The following UVSSA variants were observed in gnomAD, a reference collection of about 807,000 sequenced individuals.
UVSSA encodes the protein UV-stimulated scaffold protein A.
Under a neutral mutation model 73.9 loss-of-function variants are expected in UVSSA, and 72 were observed. The observed-to-expected ratio is 0.97, with a 90% CI of 0.81 to 1.19. UVSSA has a LOEUF of 1.19. Among genes scored for constraint, UVSSA ranks in the 50% most tolerant of loss-of-function variants. The pLI is 0.00. For synonymous variants in UVSSA, 454 were observed against 391.3 expected, an observed-to-expected ratio of 1.16 and a Z score of -1.89; for missense variants, 1,150 against 965.0, an observed-to-expected ratio of 1.19 and a Z score of -2.54.
chr4:1,360,217 G>T (rs1433656878), intron 7 of UVSSA, among the ~76,000 whole-genome samples: 2 of 152,242 alleles, frequency 1.3e-5, no homozygotes, highest in African/African-American at 2.4e-5. Flanking sequence ...TCTGGAGTCA[G>T]CACAGGGAAC....
chr4:1,345,569 C>T (rs572591507), upstream of UVSSA, among the ~76,000 whole-genome samples: 2 of 140,532 alleles, frequency 1.4e-5, no homozygotes, highest in East Asian at 2.2e-4. Flanking sequence ...CGTTTGAACC[C>T]GGGAGGCGGA....
At chr4:1,347,049 G>T (rs1326103462), upstream of UVSSA, among the ~76,000 whole-genome samples, 1 of 152,184 alleles carries the variant, frequency 6.6e-6, no homozygotes, top group African/African-American at 2.4e-5. Context: ...TGACCGGAAA[G>T]GGTGGGGCAA....
intron 7 of UVSSA, among the ~76,000 whole-genome samples, chr4:1,365,844 T>C (rs1392024519): frequency 6.6e-6 from 1 of 150,384 alleles, no homozygotes; most frequent in Non-Finnish European, 1.5e-5. Context: ...CTCCACCTGG[T>C]GGGAAGATAA....
At position 1,351,651 on chromosome 4, in the gene UVSSA, A is replaced by G. The variant is rs897502312; in HGVS notation, c.430-64A>G. The G allele has an allele frequency of 3.8e-6, 6 of 1,559,078 alleles. No homozygotes were observed. In the African/African-American group the frequency reaches 8.2e-5, roughly 21 times the overall value. On this transcript the variant is annotated intron_variant, in intron 3 of 13. Coordinates refer to ENST00000389851, the MANE Select transcript of UVSSA (RefSeq NM_020894.4). ...TGATCTGCCTGCCTCAGCCTCCCAA[A>G]GTGCTGGGATTACAGGCGTGAGCCA... is the stretch of plus-strand genomic sequence containing the variant.
chr4:1,352,877 C>T (rs1016482519), intron 4 of UVSSA, among the ~76,000 whole-genome samples, 153 bp from the exon 5 acceptor site: 1 of 152,228 alleles, frequency 6.6e-6, no homozygotes, highest in Non-Finnish European at 1.5e-5. Flanking sequence ...CCTGGAAGGT[C>T]GAGGCTGGGG....
At chr4:1,345,758 C>G (rs1247924383), upstream of UVSSA, among the ~76,000 whole-genome samples, 2 of 151,748 alleles carry the variant, frequency 1.3e-5, no homozygotes, top group Non-Finnish European at 2.9e-5. Context: ...AGAGGACACC[C>G]CGGGGCAGTG....
exon 14 of UVSSA, chr4:1,394,428 ACTT>A (rs1419288861): frequency 6.3e-7 from 1 of 1,592,722 alleles, no homozygotes; most frequent in African/African-American, 1.3e-5. Context: ...TCATTGATCT[ACTT>A]CTAGTTTTTG....
rs573582384 is a variant in UVSSA at position 1,366,187 on chromosome 4, G to T, written c.1177-133G>T. 2.0e-5 allele frequency: 14 copies of T among 702,360 alleles called. No homozygotes were observed. In the South Asian group the frequency reaches 2.5e-4, roughly 13 times the overall value. The allele number at this position is 702,360 out of a possible 1,614,324, so 43.5% of individuals were successfully genotyped here. On this transcript the variant is annotated intron_variant, in intron 7 of 13. Transcript: ENST00000389851. ...AGACGATCTTAAATGCAGTCCAACC[G>T]TGGCTGATGTTGGAGCCCTAAGCAG...
intron 2 of UVSSA, among the ~76,000 whole-genome samples, chr4:1,348,990 C>T (rs1221940220): frequency 1.4e-5 from 2 of 147,776 alleles, no homozygotes; most frequent in East Asian, 2.0e-4. Context: ...GTGTTTGTGC[C>T]GGGCGGTGTG....
chr4:1,356,299 CCT>C lies in UVSSA; in HGVS notation c.1176+1058_1176+1059del, dbSNP rs3840499. Among the ~76,000 whole-genome samples, 100 of 152,242 alleles carry C rather than the reference CCT, an allele frequency of 6.6e-4. 1 individual carries two copies. The East Asian group carries it at 0.016, about 24-fold the overall frequency. On this transcript the variant is annotated intron_variant, in intron 7 of 13. Coordinates refer to ENST00000389851, the MANE Select transcript of UVSSA (RefSeq NM_020894.4). ...TTGGAAGTTGGGGGGTGGGGAAGCT[CCT>C]CTCGATTAAATGCTGAGCCTGTCGT...
At position 1,371,256 on chromosome 4, in the gene UVSSA, C is replaced by CTGTGTGTG. The variant is rs34839757; in HGVS notation, c.1289-4080_1289-4073dup. Among the ~76,000 whole-genome samples the CTGTGTGTG allele has an allele frequency of 9.7e-3, 1,418 of 146,598 alleles. 14 individuals are homozygous for CTGTGTGTG. The highest frequency in any genetic ancestry group is 0.022 in the African/African-American group (874 of 39,804). ...AGTGAGAGTACGTCTGTGGGTGGAC[C>CTGTGTGTG]TGTGTGTGTGTGTGTGTGTGTGTGT... On this transcript the variant is annotated intron_variant, in intron 8 of 13. Transcript: ENST00000389851.
chr4:1,389,964 A>G (rs1413525089), downstream of UVSSA: 1 of 152,108 alleles, frequency 6.6e-6, no homozygotes, highest in Non-Finnish European at 1.5e-5. Flanking sequence ...ATGATTTTCC[A>G]TTCTTTATTT....
chr4:1,366,281 G>T, intron 7 of UVSSA, 39 bp from the exon 8 acceptor site: 1 of 1,518,808 alleles, frequency 6.6e-7, no homozygotes, highest in South Asian at 1.2e-5. Context: ...TCATACACAG[G>T]GTCTGGGGGT....
intron 11 of UVSSA, chr4:1,380,570 C>CA (rs770748242): frequency 5.4e-5 from 72 of 1,330,604 alleles, no homozygotes; most frequent in African/African-American, 5.8e-5. Context: ...GGGGCCAGGG[C>CA]AGCTCCCAGC....
chr4:1,375,770 G>T lies in UVSSA; in HGVS notation c.1433+262G>T, dbSNP rs540034160. Among the ~76,000 whole-genome samples the T allele has an allele frequency of 1.1e-3, 168 of 152,378 alleles. 2 individuals carry two copies. The highest frequency in any genetic ancestry group is 3.9e-3 in the African/African-American group (164 of 41,592). ...CCCGTGCCTCTGAGAGGAGCCCCCA[G>T]GGCTGGGGTTTGAGAGGCAGATGTC... On this transcript the variant is annotated intron_variant, in intron 9 of 13. Transcript: ENST00000389851.
In UVSSA at chr4:1,386,203, G is replaced by T; in HGVS notation, c.*242G>T. ...CTCGGGCCTGGAGATGTGAACACAG[G>T]CAGCGACCCTGTTCCAGAGGGCTTC... On this transcript the variant is annotated 3_prime_UTR_variant, in exon 14 of 14. Transcript: ENST00000389851. 1 of 495,744 alleles carries T rather than the reference G, an allele frequency of 2.0e-6. No individual in the cohort carries two copies. Among genetic ancestry groups the T allele is most frequent in the Middle Eastern group, 5.6e-4 (1 of 1,774 alleles). The allele number at this position is 495,744 out of a possible 1,614,324, so 30.7% of individuals were successfully genotyped here.
At chr4:1,364,712 C>T (rs557554707) in intron 7 of UVSSA, among the ~76,000 whole-genome samples, 106 of 152,240 alleles carry the variant, frequency 7.0e-4, no homozygotes, top group African/African-American at 2.4e-3. Context: ...ATGCAGGCGC[C>T]TCCATCCCGG....
At chr4:1,378,245 T>C (rs1312289499) in intron 10 of UVSSA, among the ~76,000 whole-genome samples, 1 of 152,198 alleles carries the variant, frequency 6.6e-6, no homozygotes, top group Admixed American at 6.5e-5. Flanking sequence ...AAAGCCGTCC[T>C]GGTACACAGA....
intron 12 of UVSSA, among the ~76,000 whole-genome samples, chr4:1,381,673 T>C (rs1719518434): frequency 6.6e-6 from 1 of 151,398 alleles, no homozygotes; most frequent in African/African-American, 2.4e-5. Flanking sequence ...CTCTTCTTTT[T>C]ACTTTGATTT....
Sources: gnomAD v4.1 joint callset for allele counts (sites outside exome capture counted in the v4.1 genomes callset) on GRCh38, gnomAD v4.1.1 for gene constraint, MANE v1.5 for transcripts, NCBI Gene and HGNC (gene_info 2026-07-23, HGNC 2026-07-21) for gene names.